The following CACNA1E variants were observed in gnomAD, a reference collection of about 807,000 sequenced individuals.
CACNA1E encodes the protein voltage-dependent R-type calcium channel subunit alpha-1E.
A neutral mutation model predicts 259.2 loss-of-function variants in CACNA1E; 40 were observed. The observed-to-expected ratio is 0.15, with a 90% confidence interval of 0.12 to 0.20. The LOEUF is 0.20. Ranked by LOEUF, CACNA1E falls within the 10% of genes least tolerant of loss-of-function variation. The pLI is 1.00. For missense variants in CACNA1E, 1,874 were observed against 3,040.1 expected, an observed-to-expected ratio of 0.62 and a Z score of 9.02; for synonymous variants, 1,104 against 1,138.5, an observed-to-expected ratio of 0.97 and a Z score of 0.61.
At chr1:181,368,238 A>G (rs777045037) in intron 1 of CACNA1E, among the ~76,000 whole-genome samples, 1 of 151,712 alleles carries the variant, frequency 6.6e-6, no homozygotes, top group African/African-American at 2.4e-5. Flanking sequence ...TAAAAAAAAT[A>G]AAATAAAAAG....
At chr1:181,743,960 C>T (rs150131418) in intron 25 of CACNA1E, among the ~76,000 whole-genome samples, 7 of 152,366 alleles carry the variant, frequency 4.6e-5, no homozygotes, top group South Asian at 2.1e-4. Flanking sequence ...TGGCGGCTGA[C>T]GCCAAAGCTT....
At position 181,506,639 on chromosome 1, in the gene CACNA1E, G is replaced by A. The variant is rs548847739; in HGVS notation, c.267-3838G>A. On this transcript the variant is annotated intron_variant, in intron 1 of 47. Transcript: ENST00000367573. Reference sequence around the variant, plus strand: ...CACAATTCAAAGAGCTGTGGGGCACGGGGAGAAACTTTCACTGACAAGGTG... The same window carrying A: ...CACAATTCAAAGAGCTGTGGGGCACAGGGAGAAACTTTCACTGACAAGGTG... Among the ~76,000 whole-genome samples, 28 of 152,306 alleles carry A rather than the reference G, an allele frequency of 1.8e-4. No individual in the cohort carries two copies. In the South Asian group the frequency reaches 5.2e-3, roughly 28 times the overall value.
At chr1:181,357,766 A>C (rs1486065861) in intron 1 of CACNA1E, among the ~76,000 whole-genome samples, 1 of 152,092 alleles carries the variant, frequency 6.6e-6, no homozygotes, top group East Asian at 1.9e-4. Flanking sequence ...GACATTTGAC[A>C]TCTAGATGCC....
intron 1 of CACNA1E, among the ~76,000 whole-genome samples, chr1:181,492,736 A>G: frequency 6.6e-6 from 1 of 152,188 alleles, no homozygotes; most frequent in South Asian, 2.1e-4. Flanking sequence ...AGAGGTTGTC[A>G]GATGATACCT....
intron 21 of CACNA1E, 111 bp downstream of exon 21, chr1:181,733,861 T>C (rs1655773220): frequency 3.9e-6 from 3 of 770,414 alleles, no homozygotes; most frequent in Non-Finnish European, 5.7e-6. Context: ...TAAATCATCC[T>C]TCAAGAAGTA....
chr1:181,710,880 T>A, intron 7 of CACNA1E, 74 bp from the exon 8 acceptor site: 1 of 1,052,290 alleles, frequency 9.5e-7, no homozygotes, highest in South Asian at 1.3e-5. Context: ...GCTCTCTCTC[T>A]GTTGCTTGAT....
At chr1:181,401,207 T>C (rs1487677993) in intron 1 of CACNA1E, among the ~76,000 whole-genome samples, 1 of 152,176 alleles carries the variant, frequency 6.6e-6, no homozygotes, top group African/African-American at 2.4e-5. Context: ...TGTCACCTTC[T>C]TGGTGAGGCC....
chr1:181,328,997 A>G (rs1651015695), intron 1 of CACNA1E, among the ~76,000 whole-genome samples: 2 of 152,104 alleles, frequency 1.3e-5, no homozygotes, highest in African/African-American at 4.8e-5. Flanking sequence ...GGCTTTCTTA[A>G]TCTTTCCACT....
At chr1:181,387,483 C>G (rs1355762238) in intron 1 of CACNA1E, among the ~76,000 whole-genome samples, 2 of 152,186 alleles carry the variant, frequency 1.3e-5, no homozygotes, top group Non-Finnish European at 2.9e-5. Flanking sequence ...AATAGATGAT[C>G]TGCCTCTTCC....
intron 38 of CACNA1E, among the ~76,000 whole-genome samples, chr1:181,780,311 A>G (rs1277714137): frequency 6.6e-6 from 1 of 152,178 alleles, no homozygotes; most frequent in Non-Finnish European, 1.5e-5. Flanking sequence ...CAGTTACACC[A>G]AGGATATTGT....
intron 38 of CACNA1E, among the ~76,000 whole-genome samples, chr1:181,779,825 C>CACACACAG (rs1660269752): frequency 6.7e-6 from 1 of 149,762 alleles, no homozygotes; most frequent in South Asian, 2.1e-4. Flanking sequence ...CATGTACACA[C>CACACACAG]ACACACACAC....
At chr1:181,449,792 G>A (rs1380359462) in intron 2 of CACNA1E, among the ~76,000 whole-genome samples, 1 of 152,026 alleles carries the variant, frequency 6.6e-6, no homozygotes, top group Non-Finnish European at 1.5e-5. Context: ...CATCTATTTT[G>A]GATATTCAAA....
chr1:181,480,677 C>G (rs1235720610), upstream of CACNA1E, among the ~76,000 whole-genome samples: 1 of 152,196 alleles, frequency 6.6e-6, no homozygotes, highest in Non-Finnish European at 1.5e-5. Context: ...CCTGCTTATT[C>G]TGGGCATTGA....
intron 6 of CACNA1E, among the ~76,000 whole-genome samples, chr1:181,612,912 A>G (rs1336649710): frequency 6.6e-6 from 1 of 152,194 alleles, no homozygotes; most frequent in Non-Finnish European, 1.5e-5. Flanking sequence ...TCCACCTGGA[A>G]TTGATTTTTA....
intron 7 of CACNA1E, among the ~76,000 whole-genome samples, chr1:181,705,264 T>C (rs1652681005): frequency 6.6e-6 from 1 of 152,248 alleles, no homozygotes; most frequent in Admixed American, 6.5e-5. Flanking sequence ...GATAAATGTT[T>C]TGGGCATTCT....
At chr1:181,718,202 C>G (rs753196736) in intron 12 of CACNA1E, 35 bp downstream of exon 12, 2 of 1,058,734 alleles carry the variant, frequency 1.9e-6, no homozygotes, top group Non-Finnish European at 2.9e-6. Context: ...GCTCCTGCTT[C>G]GTGTTGATAT....
chr1:181,453,453 C>A (rs1255442561), intron 2 of CACNA1E, among the ~76,000 whole-genome samples: 1 of 152,128 alleles, frequency 6.6e-6, no homozygotes, highest in Non-Finnish European at 1.5e-5. Flanking sequence ...CAGATTTTAA[C>A]AAACAGTTTC....
At chr1:181,724,419 G>C (rs1654695387) in intron 16 of CACNA1E, 51 bp from the exon 17 acceptor site, 2 of 1,491,052 alleles carry the variant, frequency 1.3e-6, no homozygotes, top group African/African-American at 2.8e-5. Flanking sequence ...TCTCAGCCTT[G>C]CTGAAGACTT....
intron 37 of CACNA1E, among the ~76,000 whole-genome samples, chr1:181,774,160 A>G (rs1659764706): frequency 6.6e-6 from 1 of 152,376 alleles, no homozygotes; most frequent in African/African-American, 2.4e-5. Context: ...ACAACAAGTA[A>G]TAGGTGTGAC....
Sources: gnomAD v4.1 joint callset for allele counts (sites outside exome capture counted in the v4.1 genomes callset) on GRCh38, gnomAD v4.1.1 for gene constraint, MANE v1.5 for transcripts, NCBI Gene and HGNC (gene_info 2026-07-23, HGNC 2026-07-21) for gene names.